The following NSMAF variants were observed in gnomAD, a reference collection of about 807,000 sequenced individuals.
NSMAF encodes the protein protein FAN.
Under a neutral mutation model 134.9 loss-of-function variants are expected in NSMAF, and 90 were observed. The observed-to-expected ratio is 0.67, with a 90% CI of 0.56 to 0.79. The LOEUF is 0.79. Ranked by LOEUF, NSMAF falls within the 30% of genes least tolerant of loss-of-function variation. The probability of loss-of-function intolerance (pLI) is 0.00; values close to 1 mark genes in which losing one functional copy is unlikely to be tolerated. For missense variants in NSMAF, 1,010 were observed against 1,119.0 expected (o/e 0.90, Z 1.39); for synonymous variants, 358 against 389.6 (o/e 0.92, Z 0.96).
chr8:58,631,470 G>A (rs1807056819), intron 6 of NSMAF, 26 bp downstream of exon 6: 1 of 1,393,366 alleles, frequency 7.2e-7, no homozygotes, highest in East Asian at 2.5e-5. Flanking sequence ...ATAAATTGCT[G>A]GAAATACATG....
In NSMAF at chr8:58,589,553, C is replaced by G. The variant is rs770563335; in HGVS notation, c.2110G>C (p.Gly704Arg). Residue 704 changes from glycine to arginine, a missense_variant, in exon 26 of 31, where the codon GGA (glycine) becomes CGA (arginine). By Grantham distance (125) the Gly-to-Arg change is moderately radical. Transcript: ENST00000038176. ...CCCATTAACGTGTCCTGGCGTCTTCCAAATGCTATGGAATAAAAATAGCTA... is the reference window on the plus strand; with the variant it reads ...CCCATTAACGTGTCCTGGCGTCTTCGAAATGCTATGGAATAAAAATAGCTA... Reference protein sequence around the residue: ...NNVYFYSIAFGRRQDTLMGHD... With the variant: ...NNVYFYSIAFRRRQDTLMGHD... 1 of 1,566,730 alleles carries G rather than the reference C, an allele frequency of 6.4e-7. No homozygotes were observed.
Position 58,584,127 on chromosome 8 carries a change from T to A in NSMAF, c.2733A>T (p.Ile911=). Residue 911 remains isoleucine, a synonymous_variant, in exon 31 of 31, where the codon ATA becomes ATT. Transcript: ENST00000038176. ...GCACTTAATACTGCAATTTCCAGAA[T>A]ATAATTTGTCTGTCTTCCCCTCCTG... ...IITGGEDRQI[I]FWKLQY is the part of the protein sequence containing the mutation. The A allele has an allele frequency of 6.2e-7, 1 of 1,613,162 alleles. No homozygotes were observed. The highest frequency in any genetic ancestry group is 8.5e-7 in the Non-Finnish European group (1 of 1,179,172).
intron 21 of NSMAF, 109 bp from the exon 22 acceptor site, chr8:58,595,768 C>T (rs758524948): frequency 1.4e-6 from 1 of 704,516 alleles, no homozygotes; most frequent in Admixed American, 2.2e-5. Flanking sequence ...AAATGAAACA[C>T]CCTGTCACAA....
intron 2 of NSMAF, among the ~76,000 whole-genome samples, 185 bp downstream of exon 2, chr8:58,642,799 C>CA (rs1457951133): frequency 6.6e-6 from 1 of 152,042 alleles, no homozygotes; most frequent in African/African-American, 2.4e-5. Context: ...ATAAACATAG[C>CA]AAAAACTCTC....
intron 1 of NSMAF, among the ~76,000 whole-genome samples, chr8:58,650,604 C>G (rs973757990): frequency 6.6e-6 from 1 of 152,132 alleles, no homozygotes; most frequent in Non-Finnish European, 1.5e-5. Context: ...GTAACAGCAC[C>G]TATCTTTTTT....
chr8:58,598,102 T>G lies in NSMAF; in HGVS notation c.1586-200A>C, dbSNP rs148981624. Among the ~76,000 whole-genome samples the G allele has an allele frequency of 1.4e-4, 21 of 152,338 alleles. No individual in the cohort carries two copies. In the East Asian group the frequency reaches 4.0e-3, roughly 29 times the overall value. ...GATGAACAAAAATCTACTTGTCAGG[T>G]AGAGGACCTGTCATCTCAGTCAGCA... On this transcript the variant is annotated intron_variant, in intron 19 of 30. Coordinates refer to ENST00000038176, the MANE Select transcript of NSMAF (RefSeq NM_003580.4).
rs188520045 is a variant in NSMAF at position 58,595,855 on chromosome 8, G to A, written c.1793-196C>T. 57 of 497,832 alleles carry A rather than the reference G, an allele frequency of 1.1e-4. 1 individual carries two copies. In the Admixed American group the frequency reaches 1.8e-3, roughly 15 times the overall value. 30.8% of individuals were successfully genotyped at this position (497,832 alleles called of 1,614,324 possible). ...AAAATTGTATAGAGAAAGATAAAAAGTATCTTTGAATAATACTAGAATCTT... is the reference window on the plus strand; with the variant it reads ...AAAATTGTATAGAGAAAGATAAAAAATATCTTTGAATAATACTAGAATCTT... On this transcript the variant is annotated intron_variant, in intron 21 of 30. Coordinates refer to ENST00000038176, the MANE Select transcript of NSMAF (RefSeq NM_003580.4).
chr8:58,591,534 TGGA>T (rs1806024630), intron 23 of NSMAF, among the ~76,000 whole-genome samples: 3 of 144,342 alleles, frequency 2.1e-5, no homozygotes, highest in African/African-American at 8.0e-5. Flanking sequence ...TTGCCCAGGC[TGGA>T]GTGCATTGGT....
intron 21 of NSMAF, among the ~76,000 whole-genome samples, chr8:58,597,111 G>T (rs570279747): frequency 6.6e-6 from 1 of 152,098 alleles, no homozygotes; most frequent in Non-Finnish European, 1.5e-5. Context: ...AACCACAGAA[G>T]AGAAAGAGAA....
chr8:58,606,556 C>T (rs1563529985), intron 11 of NSMAF, among the ~76,000 whole-genome samples: 1 of 152,190 alleles, frequency 6.6e-6, no homozygotes, highest in African/African-American at 2.4e-5. Context: ...GCTAAGGCTA[C>T]AGGCGCACCA....
At chr8:58,654,748 G>A (rs1470080287) in intron 1 of NSMAF, among the ~76,000 whole-genome samples, 2 of 152,136 alleles carry the variant, frequency 1.3e-5, no homozygotes, top group Non-Finnish European at 2.9e-5. Flanking sequence ...GCACAATTAA[G>A]AATTTATTCT....
chr8:58,649,988 A>T (rs1319167264), intron 1 of NSMAF, among the ~76,000 whole-genome samples: 1 of 152,202 alleles, frequency 6.6e-6, no homozygotes, highest in South Asian at 2.1e-4. Context: ...TTATGCACAC[A>T]TGTTCTTTCA....
intron 16 of NSMAF, among the ~76,000 whole-genome samples, chr8:58,600,504 TC>T (rs1806255140): frequency 6.6e-6 from 1 of 150,860 alleles, no homozygotes; most frequent in South Asian, 2.1e-4. Context: ...GCGCCTGTAG[TC>T]CCAGCTACTC....
intron 14 of NSMAF, 132 bp from the exon 15 acceptor site, chr8:58,601,667 AAGG>A (rs1210630063): frequency 7.7e-6 from 10 of 1,304,490 alleles, no homozygotes; most frequent in Admixed American, 3.3e-5. Flanking sequence ...TAGATAAGAA[AAGG>A]AGAAGATAAG....
chr8:58,619,691 T>A lies in NSMAF; in HGVS notation c.557+3529A>T, dbSNP rs149947487. 1.4e-3 allele frequency among the ~76,000 whole-genome samples: 216 copies of A among 152,034 alleles called. 1 individual carries two copies. The highest frequency in any genetic ancestry group is 2.0e-3 in the Admixed American group (30 of 15,274). On this transcript the variant is annotated intron_variant, in intron 9 of 30. Transcript: ENST00000038176. ...TAATAACATACCATTTATAATACCA[T>A]CACAAATATGAAGTACTAGGAATAA...
intron 9 of NSMAF, among the ~76,000 whole-genome samples, chr8:58,617,582 A>G (rs913333227): frequency 1.3e-5 from 2 of 152,240 alleles, no homozygotes; most frequent in African/African-American, 4.8e-5. Flanking sequence ...ACTGGTCATC[A>G]GAGAAATGCA....
At chr8:58,659,468 GCCCGGC>G in intron 1 of NSMAF, 99 bp downstream of exon 1, 1 of 1,491,578 alleles carries the variant, frequency 6.7e-7, no homozygotes, top group African/African-American at 1.5e-5. Flanking sequence ...CTGCCTCCGT[GCCCGGC>G]CCCCACGCCG....
rs776534142 is a variant in NSMAF at position 58,589,625 on chromosome 8, G to C, written c.2088-50C>G. 13 of 1,504,298 alleles carry C rather than the reference G, an allele frequency of 8.6e-6. No homozygotes were observed. The African/African-American group carries it at 1.9e-4, about 22-fold the overall frequency. The allele number at this position is 1,504,298 out of a possible 1,614,324, so 93.2% of individuals were successfully genotyped here. ...AACAGTAGTCTGGCTTAATTTTAAG[G>C]CTCCTAAACATATATTAAAGAAACA... On this transcript the variant is annotated intron_variant, in intron 25 of 30. Coordinates refer to ENST00000038176, the MANE Select transcript of NSMAF (RefSeq NM_003580.4).
At chr8:58,595,381 C>T (rs1806114566) in intron 22 of NSMAF, among the ~76,000 whole-genome samples, 179 bp downstream of exon 22, 1 of 152,156 alleles carries the variant, frequency 6.6e-6, no homozygotes, top group Non-Finnish European at 1.5e-5. Flanking sequence ...CAAACTTTCC[C>T]TACTACATCA....
Sources: gnomAD v4.1 joint callset for allele counts (sites outside exome capture counted in the v4.1 genomes callset) on GRCh38, gnomAD v4.1.1 for gene constraint, MANE v1.5 for transcripts, NCBI Gene and HGNC (gene_info 2026-07-23, HGNC 2026-07-21) for gene names.